The following TBC1D7 variants were observed in gnomAD, a reference collection of about 807,000 sequenced individuals.
The protein encoded by TBC1D7 is TBC1 domain family member 7, also known as TBC domain family 7.
A neutral mutation model predicts 35.3 loss-of-function variants in TBC1D7; 33 were observed. That is an observed-to-expected ratio of 0.93 (90% CI 0.71 to 1.25). The LOEUF (loss-of-function observed/expected upper bound fraction) is 1.25. Among genes scored for constraint, TBC1D7 ranks in the 50% most tolerant of loss-of-function variants. TBC1D7 has a pLI of 0.00. For missense variants in TBC1D7, 362 were observed against 365.3 expected, an observed-to-expected ratio of 0.99 and a Z score of 0.07; for synonymous variants, 135 against 129.5, an observed-to-expected ratio of 1.04 and a Z score of -0.29.
At chr6:13,311,261 T>C (rs1245270788) in intron 5 of TBC1D7, among the ~76,000 whole-genome samples, 1 of 152,226 alleles carries the variant, frequency 6.6e-6, no homozygotes, top group Non-Finnish European at 1.5e-5. Context: ...AAACCTTCCA[T>C]GCCATACAAT....
intron 2 of TBC1D7, 134 bp downstream of exon 2, chr6:13,326,653 A>T (rs1784424743): frequency 6.0e-6 from 3 of 501,194 alleles, no homozygotes; most frequent in Non-Finnish European, 1.0e-5. Context: ...CTCAAAATAC[A>T]CCATTCTGCT....
At chr6:13,314,086 C>T (rs1051575824) in intron 5 of TBC1D7, among the ~76,000 whole-genome samples, 51 of 151,796 alleles carry the variant, frequency 3.4e-4, no homozygotes, top group Admixed American at 2.8e-3. Context: ...GGCGTGGTGG[C>T]GGGTGCCTGT....
intron 6 of TBC1D7, 137 bp downstream of exon 6, chr6:13,307,463 G>T: frequency 1.2e-6 from 1 of 810,618 alleles, no homozygotes; most frequent in Non-Finnish European, 2.0e-6. Flanking sequence ...GTGCTGTTAC[G>T]GTAGCTGCTG....
At chr6:13,321,649 C>T (rs910093670) in intron 3 of TBC1D7, among the ~76,000 whole-genome samples, 1 of 152,186 alleles carries the variant, frequency 6.6e-6, no homozygotes, top group Non-Finnish European at 1.5e-5. Flanking sequence ...CCCATTTAAA[C>T]ATGGTGTCAT....
intron 7 of TBC1D7, 34 bp from the exon 8 acceptor site, chr6:13,305,221 C>A: frequency 6.3e-7 from 1 of 1,599,972 alleles, no homozygotes; most frequent in East Asian, 2.2e-5. Flanking sequence ...TGTGAAATTT[C>A]AGTGTTGACA....
chr6:13,320,744 A>T, intron 4 of TBC1D7, 164 bp downstream of exon 4: 1 of 760,206 alleles, frequency 1.3e-6, no homozygotes, highest in African/African-American at 1.7e-5. Flanking sequence ...AGGTTGGGTC[A>T]GAATGTGCAT....
Position 13,305,160 on chromosome 6 carries a change from C to T in TBC1D7, c.823G>A (p.Val275Met), listed in dbSNP as rs1284024709. 15 of 1,614,014 alleles carry T rather than the reference C, an allele frequency of 9.3e-6. No homozygotes were observed. Among genetic ancestry groups the T allele is most frequent in the Admixed American group, 3.3e-5 (2 of 59,998 alleles). Residue 275 changes from valine to methionine, a missense_variant, in exon 8 of 8, where the codon GTG becomes ATG. Val to Met is a conservative substitution (Grantham distance 21). Coordinates refer to ENST00000379300, the MANE Select transcript of TBC1D7 (RefSeq NM_016495.6). ...NIPQDSSDAIVSKAIDLWHKH... is the reference protein window; with the variant it reads ...NIPQDSSDAIMSKAIDLWHKH... Reference sequence around the variant, plus strand: ...TGCCACAAGTCAATGGCCTTGCTCACGATCGCGTCTGAGCTGTCCTGGGGA... The same window carrying T: ...TGCCACAAGTCAATGGCCTTGCTCATGATCGCGTCTGAGCTGTCCTGGGGA...
chr6:13,320,457 GA>G (rs557905649), intron 4 of TBC1D7: 848 of 368,208 alleles, frequency 2.3e-3, no homozygotes, highest in Middle Eastern at 4.0e-3. Context: ...AATGATTTAG[GA>G]AAAAAAAAAT....
At chr6:13,315,364 A>G (rs1783528628) in intron 5 of TBC1D7, among the ~76,000 whole-genome samples, 1 of 152,210 alleles carries the variant, frequency 6.6e-6, no homozygotes, top group Non-Finnish European at 1.5e-5. Context: ...TGATTTTCTT[A>G]ACATTTTCTT....
rs754616697 is a variant in TBC1D7 at position 13,321,097 on chromosome 6, T to C, written c.194-2A>G. ...ACTCGTGGTGTGGAGGCAAGATTCC[T>C]AGAGAGAACAGGAAAAACGAAAAAA... On this transcript the variant is annotated splice_acceptor_variant, in intron 3 of 7. Coordinates refer to ENST00000379300, the MANE Select transcript of TBC1D7 (RefSeq NM_016495.6). LOFTEE classifies it high-confidence loss of function. 1.9e-6 allele frequency: 3 copies of C among 1,606,792 alleles called. No homozygotes were observed. Among genetic ancestry groups the C allele is most frequent in the Non-Finnish European group, 2.6e-6 (3 of 1,175,502 alleles).
intron 6 of TBC1D7, 40 bp from the exon 7 acceptor site, chr6:13,306,567 C>A: frequency 6.7e-7 from 1 of 1,498,626 alleles, no homozygotes; most frequent in Admixed American, 2.3e-5. Flanking sequence ...ATATGAGTTT[C>A]AGAATTATGT....
In TBC1D7 at chr6:13,328,326, A is replaced by T. The variant is rs1784541445; in HGVS notation, c.-39T>A. On this transcript the variant is annotated 5_prime_UTR_variant, in exon 1 of 8. Transcript: ENST00000379300. ...GTAGTGCAAACACACCCGGGTTGAGACTAAGTGGTCCGGGAGAAGCAGAGG... is the reference window on the plus strand; with the variant it reads ...GTAGTGCAAACACACCCGGGTTGAGTCTAAGTGGTCCGGGAGAAGCAGAGG... 2 of 152,462 alleles carry T rather than the reference A, an allele frequency of 1.3e-5. No homozygotes were observed. Among genetic ancestry groups the T allele is most frequent in the African/African-American group, 4.8e-5 (2 of 41,436 alleles). 9.4% of individuals were successfully genotyped at this position (152,462 alleles called of 1,614,324 possible).
In TBC1D7 at chr6:13,326,858, T is replaced by G. The variant is rs780098026; in HGVS notation, c.41A>C (p.Tyr14Ser). 2.5e-6 allele frequency: 4 copies of G among 1,612,756 alleles called. No individual in the cohort carries two copies. Among genetic ancestry groups the G allele is most frequent in the Non-Finnish European group, 3.4e-6 (4 of 1,179,554 alleles). ...AACTCCACGAAACCCCACTTTCTCA[T>G]AATATACTGAACGAAAGTTTCTCTG... is the stretch of plus-strand genomic sequence containing the variant. Reference protein sequence around the residue: ...DSQRNFRSVYYEKVGFRGVEE... With the variant: ...DSQRNFRSVYSEKVGFRGVEE... Residue 14 changes from tyrosine (Y) to serine (S), a missense_variant, in exon 2 of 8, where the codon TAT becomes TCT. By Grantham distance (144) the Tyr-to-Ser change is moderately radical. Coordinates refer to ENST00000379300, the MANE Select transcript of TBC1D7 (RefSeq NM_016495.6).
At chr6:13,306,183 TTCA>T (rs1186595609) in intron 7 of TBC1D7, 1 of 363,576 alleles carries the variant, frequency 2.8e-6, no homozygotes, top group Non-Finnish European at 4.8e-6. Context: ...CTAAAGTGAC[TTCA>T]TTTCTAGATT....
At position 13,325,173 on chromosome 6, in the gene TBC1D7, A is replaced by G. The variant is rs1784321933; in HGVS notation, c.114T>C (p.Asp38=). 6 of 1,610,110 alleles carry G rather than the reference A, an allele frequency of 3.7e-6. No individual in the cohort carries two copies. The highest frequency in any genetic ancestry group is 5.1e-6 in the Non-Finnish European group (6 of 1,176,670). ...LEILLKDDRL[D]TEKLCTFSQR... is the part of the protein sequence containing the mutation. ...GACTAAAAGTACAAAGTTTCTCAGT[A>G]TCTAGAGGAAGAAGAAAACAATTGT... The change falls in exon 3 of 8, where the codon GAT becomes GAC. Residue 38 remains aspartate (D), a splice_region_variant and synonymous_variant. Coordinates refer to ENST00000379300, the MANE Select transcript of TBC1D7 (RefSeq NM_016495.6).
At chr6:13,307,255 T>C (rs1782872454) in intron 6 of TBC1D7, 1 of 198,892 alleles carries the variant, frequency 5.0e-6, no homozygotes, top group Non-Finnish European at 1.0e-5. Flanking sequence ...TTGACTGCTT[T>C]CAGCTTCTTT....
chr6:13,320,784 C>T (rs1388274716), intron 4 of TBC1D7, 124 bp downstream of exon 4: 5 of 906,972 alleles, frequency 5.5e-6, no homozygotes, highest in Non-Finnish European at 9.2e-6. Context: ...AGATGTGTCA[C>T]TTTTATTCTA....
rs749381182 is a variant in TBC1D7, at chr6:13,317,177, G to A, written c.382-469C>T. 7.3e-4 allele frequency among the ~76,000 whole-genome samples: 111 copies of A among 152,272 alleles called. 1 individual carries two copies. Among genetic ancestry groups the A allele is most frequent in the Non-Finnish European group, 1.1e-3 (78 of 68,022 alleles). ...ATTTGCTTTATTTCAAAGCATTCAC[G>A]CATACCTTCAGAATTTTGTTCTATC... On this transcript the variant is annotated intron_variant, in intron 4 of 7. Transcript: ENST00000379300.
At chr6:13,321,856 AC>A (rs1445952999) in intron 3 of TBC1D7, among the ~76,000 whole-genome samples, 1 of 152,118 alleles carries the variant, frequency 6.6e-6, no homozygotes, top group African/African-American at 2.4e-5. Flanking sequence ...CAGAATGCTA[AC>A]CCCAAGAGAA....
Sources: gnomAD v4.1 joint callset for allele counts (sites outside exome capture counted in the v4.1 genomes callset) on GRCh38, gnomAD v4.1.1 for gene constraint, MANE v1.5 for transcripts, NCBI Gene and HGNC (gene_info 2026-07-23, HGNC 2026-07-21) for gene names.